Variants in PDE7B observed in about 807,000 individuals in gnomAD.
PDE7B encodes 3',5'-cyclic-AMP phosphodiesterase 7B.
PDE7B carries 29 observed loss-of-function variants against 56.2 expected under a neutral mutation model. That is an observed-to-expected ratio of 0.52 (90% confidence interval 0.38 to 0.70). The LOEUF is 0.70. Ranked by LOEUF, PDE7B falls within the 30% of genes least tolerant of loss-of-function variation. The pLI, the probability that PDE7B is intolerant of heterozygous loss-of-function variation, is 0.00. For missense variants in PDE7B, 490 were observed against 565.0 expected (o/e 0.87, Z 1.35); for synonymous variants, 197 against 196.9 (o/e 1.00, Z 0.00).
At chr6:135,889,440 A>ATTT (rs11440304) in intron 1 of PDE7B, among the ~76,000 whole-genome samples, 20 of 103,342 alleles carry the variant, frequency 1.9e-4, no homozygotes, top group Admixed American at 3.0e-4. Context: ...GGTGCTACCA[A>ATTT]TTTTTTTTTT....
intron 2 of PDE7B, among the ~76,000 whole-genome samples, chr6:136,031,774 A>G (rs1470732463): frequency 1.3e-5 from 2 of 150,316 alleles, no homozygotes; most frequent in African/African-American, 2.4e-5. Flanking sequence ...TTGATTCCTC[A>G]TCATTTTCTC....
At chr6:135,858,133 T>C (rs991336808) in intron 1 of PDE7B, among the ~76,000 whole-genome samples, 3 of 152,112 alleles carry the variant, frequency 2.0e-5, no homozygotes, top group African/African-American at 7.2e-5. Context: ...ATGTTTTTCA[T>C]TTTATTTAAT....
intron 1 of PDE7B, among the ~76,000 whole-genome samples, chr6:135,886,219 C>T (rs1399553128): frequency 7.9e-5 from 12 of 152,048 alleles, no homozygotes; most frequent in Non-Finnish European, 1.0e-4. Context: ...TGTAATGAAA[C>T]TTTTCCTGAG....
intron 1 of PDE7B, among the ~76,000 whole-genome samples, chr6:135,936,178 G>GCTA (rs1774416914): frequency 6.6e-6 from 1 of 152,198 alleles, no homozygotes; most frequent in Admixed American, 6.5e-5. Flanking sequence ...CAGGAGCATT[G>GCTA]CTACACTGAG....
intron 2 of PDE7B, among the ~76,000 whole-genome samples, chr6:136,013,170 G>GTGTA (rs1466959626): frequency 1.3e-5 from 2 of 152,138 alleles, no homozygotes; most frequent in African/African-American, 2.4e-5. Context: ...AAATTCCTAT[G>GTGTA]TGTATGTAGT....
chr6:135,985,593 T>A (rs1759018049), intron 2 of PDE7B, among the ~76,000 whole-genome samples: 1 of 152,196 alleles, frequency 6.6e-6, no homozygotes, highest in African/African-American at 2.4e-5. Flanking sequence ...TGTGAACAAC[T>A]TCCTGTCATC....
At chr6:136,126,372 A>ACCTT (rs1403849290) in intron 3 of PDE7B, among the ~76,000 whole-genome samples, 1 of 152,224 alleles carries the variant, frequency 6.6e-6, no homozygotes, top group Non-Finnish European at 1.5e-5. Flanking sequence ...CAAGAGAACA[A>ACCTT]CCACTATGGA....
intron 2 of PDE7B, chr6:136,037,539 G>T (rs994390000): frequency 1.4e-5 from 14 of 985,472 alleles, no homozygotes; most frequent in Middle Eastern, 5.2e-4. Flanking sequence ...ACTGGGCAAG[G>T]TGCCCCCCAA....
At chr6:135,904,969 CTG>C (rs1308828926) in intron 1 of PDE7B, among the ~76,000 whole-genome samples, 1 of 152,240 alleles carries the variant, frequency 6.6e-6, no homozygotes, top group Non-Finnish European at 1.5e-5. Flanking sequence ...GGCATGGAAT[CTG>C]TGCAGTTGCA....
At chr6:135,978,165 G>C (rs1201355559) in intron 2 of PDE7B, among the ~76,000 whole-genome samples, 1 of 152,120 alleles carries the variant, frequency 6.6e-6, no homozygotes, top group Non-Finnish European at 1.5e-5. Flanking sequence ...ATGTGCTCTA[G>C]CCTATTGCTC....
chr6:136,174,815 T>C (rs1210652725), intron 9 of PDE7B, among the ~76,000 whole-genome samples: 1 of 152,126 alleles, frequency 6.6e-6, no homozygotes, highest in Non-Finnish European at 1.5e-5. Flanking sequence ...CTGATAAATT[T>C]TTACTCCCTG....
chr6:136,088,854 G>A (rs1214209609), intron 2 of PDE7B, among the ~76,000 whole-genome samples: 3 of 151,862 alleles, frequency 2.0e-5, no homozygotes, highest in African/African-American at 7.3e-5. Context: ...TCTCAATAAA[G>A]CTGTCATTTT....
At chr6:135,883,645 T>C (rs1775650464) in intron 1 of PDE7B, among the ~76,000 whole-genome samples, 2 of 152,224 alleles carry the variant, frequency 1.3e-5, no homozygotes, top group Non-Finnish European at 2.9e-5. Flanking sequence ...AGTGCTCACA[T>C]GTGGCTGGCA....
rs1034015957 is a variant in PDE7B at position 136,181,085 on chromosome 6, A to G, written c.949-142A>G. The G allele has an allele frequency of 6.1e-6, 4 of 652,126 alleles. No individual in the cohort carries two copies. The African/African-American group carries it at 7.2e-5, about 12-fold the overall frequency. The allele number at this position is 652,126 out of a possible 1,614,324, so 40.4% of individuals were successfully genotyped here. On this transcript the variant is annotated intron_variant, in intron 10 of 12. Transcript: ENST00000308191. ...GGTGAATAAGTGCAGTTTCCTGAAG[A>G]GGCATGTCAGGGAGGTACTCTGTAA... is the stretch of plus-strand genomic sequence containing the variant.
intron 1 of PDE7B, among the ~76,000 whole-genome samples, chr6:135,926,129 C>G (rs1010428170): frequency 6.9e-6 from 1 of 144,036 alleles, no homozygotes; most frequent in Non-Finnish European, 1.5e-5. Flanking sequence ...CTCTGTCGCC[C>G]AGGCTGCAGT....
At chr6:135,896,002 G>A (rs1441136642) in intron 1 of PDE7B, among the ~76,000 whole-genome samples, 1 of 152,096 alleles carries the variant, frequency 6.6e-6, no homozygotes, top group Non-Finnish European at 1.5e-5. Context: ...TCTTGAGAAT[G>A]CCTCACAATT....
At chr6:135,902,344 T>TTC (rs773081848) in intron 1 of PDE7B, among the ~76,000 whole-genome samples, 2 of 150,334 alleles carry the variant, frequency 1.3e-5, no homozygotes, top group Non-Finnish European at 3.0e-5. Context: ...TTTTTTTTTT[T>TTC]CTTTTTTTAA....
At chr6:135,938,922 C>T (rs757774286) in intron 1 of PDE7B, among the ~76,000 whole-genome samples, 2 of 152,010 alleles carry the variant, frequency 1.3e-5, no homozygotes, top group Non-Finnish European at 2.9e-5. Flanking sequence ...GCAGGTTTTC[C>T]AAGTTTTGGT....
At chr6:136,007,259 C>G (rs142089727) in intron 2 of PDE7B, among the ~76,000 whole-genome samples, 47 of 152,214 alleles carry the variant, frequency 3.1e-4, no homozygotes, top group African/African-American at 1.1e-3. Context: ...GAGATGAAGC[C>G]TACTTGATTA....
Sources: gnomAD v4.1 joint callset for allele counts (sites outside exome capture counted in the v4.1 genomes callset) on GRCh38, gnomAD v4.1.1 for gene constraint, MANE v1.5 for transcripts, NCBI Gene and HGNC (gene_info 2026-07-23, HGNC 2026-07-21) for gene names.